Variants in EPHX2 observed in about 807,000 individuals in gnomAD.
The protein encoded by EPHX2 is bifunctional epoxide hydrolase 2.
A neutral mutation model predicts 78.7 loss-of-function variants in EPHX2; 74 were observed. The observed-to-expected ratio is 0.94, with a 90% CI of 0.78 to 1.14. EPHX2 has a LOEUF of 1.14. EPHX2 is among the 50% of genes most tolerant of loss of function. EPHX2 has a pLI of 0.00. For missense variants in EPHX2, 715 were observed against 702.5 expected (o/e 1.02, Z -0.20); for synonymous variants, 251 against 255.2 (o/e 0.98, Z 0.16).
chr8:27,521,697 G>A (rs192954504), intron 10 of EPHX2, among the ~76,000 whole-genome samples: 5 of 152,346 alleles, frequency 3.3e-5, no homozygotes, highest in South Asian at 2.1e-4. Flanking sequence ...AGGGAACAGG[G>A]CATGGCCCAG....
At position 27,543,791 on chromosome 8, in the gene EPHX2, G is replaced by T. The variant is rs746887626; in HGVS notation, c.1492G>T (p.Val498Leu). The change falls in exon 17 of 19, where the codon GTG becomes TTG. Residue 498 changes from valine to leucine, a missense_variant. Physicochemically the swap from Val to Leu is conservative, Grantham distance 32. Coordinates refer to ENST00000521400, the MANE Select transcript of EPHX2 (RefSeq NM_001979.6). ...GATGGTCACGGCGGAGAAGGACTTCGTGCTCGTTCCTCAGATGTCCCAGCA... is the reference window on the plus strand; with the variant it reads ...GATGGTCACGGCGGAGAAGGACTTCTTGCTCGTTCCTCAGATGTCCCAGCA... ...ALMVTAEKDFVLVPQMSQHME... is the reference protein window; with the variant it reads ...ALMVTAEKDFLLVPQMSQHME... The T allele has an allele frequency of 1.2e-6, 2 of 1,614,076 alleles. No individual in the cohort carries two copies. The highest frequency in any genetic ancestry group is 1.7e-6 in the Non-Finnish European group (2 of 1,180,012).
rs1813950347 is a variant in EPHX2, at chr8:27,505,107, C to T, written c.498C>T (p.Tyr166=). Residue 166 remains tyrosine (Y), a synonymous_variant, in exon 4 of 19, where the codon TAC becomes TAT. Coordinates refer to ENST00000521400, the MANE Select transcript of EPHX2 (RefSeq NM_001979.6). ...VGMVKPEPQI[Y]KFLLDTLKAS... ...TGGTCAAACCTGAACCTCAGATCTA[C>T]AAGTTTCTGCTGGACACCCTGAAGG... 4 of 1,612,988 alleles carry T rather than the reference C, an allele frequency of 2.5e-6. No homozygotes were observed. The South Asian group carries it at 4.4e-5, about 18-fold the overall frequency.
intron 16 of EPHX2, among the ~76,000 whole-genome samples, chr8:27,542,902 A>G (rs972593593): frequency 6.6e-6 from 1 of 151,916 alleles, no homozygotes; most frequent in East Asian, 1.9e-4. Flanking sequence ...TCGGCCTCCC[A>G]AAGTGCTGGG....
intron 12 of EPHX2, among the ~76,000 whole-genome samples, chr8:27,535,121 C>G (rs575998647): frequency 6.6e-6 from 1 of 152,170 alleles, no homozygotes; most frequent in East Asian, 1.9e-4. Flanking sequence ...ACTCAATTCC[C>G]TCTGGTAGCA....
chr8:27,497,688 A>C (rs899783135), intron 1 of EPHX2, among the ~76,000 whole-genome samples: 1 of 152,214 alleles, frequency 6.6e-6, no homozygotes, highest in African/African-American at 2.4e-5. Context: ...GTCAGGTGAC[A>C]GGGGAGTATA....
rs1491544464 is a variant in EPHX2 at position 27,525,107 on chromosome 8, T to TGTGTGC, written c.1059-254_1059-253insTGTGCG. On this transcript the variant is annotated intron_variant, in intron 11 of 18. Coordinates refer to ENST00000521400, the MANE Select transcript of EPHX2 (RefSeq NM_001979.6). ...GTGTGTGTGTGTGTGTGTGTGTGTG[T>TGTGTGC]GCGCGCGCGCGCGCGCACCTATGTG... is the stretch of plus-strand genomic sequence containing the variant. 1.8e-3 allele frequency among the ~76,000 whole-genome samples: 182 copies of TGTGTGC among 103,476 alleles called. 1 individual carries two copies. The highest frequency in any genetic ancestry group is 5.3e-3 in the Middle Eastern group (1 of 188). 67.9% of individuals were successfully genotyped at this position (103,476 alleles called of 152,430 possible).
chr8:27,522,602 C>T, intron 11 of EPHX2, 94 bp downstream of exon 11: 1 of 1,262,660 alleles, frequency 7.9e-7, no homozygotes, highest in South Asian at 1.3e-5. Context: ...GAAAACTTCT[C>T]AAAAACAAGT....
rs1327884232 is a variant in EPHX2, at chr8:27,525,095, TGTGTGTGTGTGTGCGC to T, written c.1059-265_1059-250del. ...GTGTGTGTGTGTGTGTGTGTGTGTG[TGTGTGTGTGTGTGCGC>T]GCGCGCGCGCGCACCTATGTGTCTA... On this transcript the variant is annotated intron_variant, in intron 11 of 18. Transcript: ENST00000521400. 7.3e-3 allele frequency among the ~76,000 whole-genome samples: 1,064 copies of T among 146,752 alleles called. 8 individuals are homozygous for T. The highest frequency in any genetic ancestry group is 0.025 in the Middle Eastern group (7 of 284).
At chr8:27,501,384 CTTCTT>C (rs779203167) in intron 2 of EPHX2, among the ~76,000 whole-genome samples, 12 of 102,714 alleles carry the variant, frequency 1.2e-4, no homozygotes, top group Non-Finnish European at 2.0e-4. Context: ...TCTTCTTCTT[CTTCTT>C]CTTCTTTCTT....
At chr8:27,509,918 G>T (rs1463014409) in intron 5 of EPHX2, among the ~76,000 whole-genome samples, 4 of 152,138 alleles carry the variant, frequency 2.6e-5, no homozygotes, top group Non-Finnish European at 5.9e-5. Context: ...GCATCCCCTG[G>T]TGTATGACCT....
intron 12 of EPHX2, among the ~76,000 whole-genome samples, chr8:27,531,845 C>G (rs1053813320): frequency 3.9e-5 from 6 of 152,130 alleles, no homozygotes; most frequent in African/African-American, 1.4e-4. Context: ...TGGAGGGGAG[C>G]TCTCCCTGTT....
intron 12 of EPHX2, among the ~76,000 whole-genome samples, chr8:27,529,755 A>G (rs557839113): frequency 6.6e-6 from 1 of 152,196 alleles, no homozygotes; most frequent in South Asian, 2.1e-4. Flanking sequence ...TCTACTAAAA[A>G]TACAAAAGAG....
At position 27,507,371 on chromosome 8, in the gene EPHX2, GC is replaced by G. The variant is rs532591681; in HGVS notation, c.660+380del. On this transcript the variant is annotated intron_variant, in intron 5 of 18. Transcript: ENST00000521400. ...AGCATGCCGCTGGCACTCAGGTGCA[GC>G]CCTTTAGTTCCACCCAGCTCAGAGG... Among the ~76,000 whole-genome samples the G allele has an allele frequency of 3.1e-3, 472 of 152,346 alleles. 6 individuals are homozygous for G. Among genetic ancestry groups the G allele is most frequent in the South Asian group, 0.029 (142 of 4,830 alleles).
intron 2 of EPHX2, 23 bp from the exon 3 acceptor site, chr8:27,503,581 G>T (rs370316292): frequency 3.1e-6 from 5 of 1,591,136 alleles, no homozygotes; most frequent in Non-Finnish European, 4.3e-6. Flanking sequence ...CATACAAATT[G>T]TCCCCTCACT....
intron 5 of EPHX2, among the ~76,000 whole-genome samples, chr8:27,507,914 G>A (rs775787967): frequency 6.6e-5 from 10 of 152,028 alleles, no homozygotes; most frequent in Non-Finnish European, 1.2e-4. Context: ...GAGGATACCC[G>A]TCAGATTGCA....
Position 27,518,947 on chromosome 8 carries a change from AACCTGG to A in EPHX2, c.945+880_945+885del, listed in dbSNP as rs1814553923. Among the ~76,000 whole-genome samples the A allele has an allele frequency of 2.0e-5, 3 of 152,294 alleles. No homozygotes were observed. In the South Asian group the frequency reaches 6.2e-4, roughly 32 times the overall value. On this transcript the variant is annotated intron_variant, in intron 9 of 18. Coordinates refer to ENST00000521400, the MANE Select transcript of EPHX2 (RefSeq NM_001979.6). ...AGCCCCTATCCTGCTGTTGTCCTCT[AACCTGG>A]ACCTTGCTTATTTCCATCAAAATCC...
downstream of EPHX2, among the ~76,000 whole-genome samples, chr8:27,546,892 G>C (rs981783151): frequency 6.6e-6 from 1 of 152,200 alleles, no homozygotes; most frequent in Non-Finnish European, 1.5e-5. Flanking sequence ...GGTTCTGCAG[G>C]CTTTACAGAA....
chr8:27,547,649 T>TA (rs1380420854), downstream of EPHX2, among the ~76,000 whole-genome samples: 3 of 152,188 alleles, frequency 2.0e-5, no homozygotes, highest in Non-Finnish European at 2.9e-5. Flanking sequence ...CGCTAGAACT[T>TA]ACTCCTCCCA....
intron 2 of EPHX2, 135 bp downstream of exon 2, chr8:27,501,145 T>A: frequency 1.5e-6 from 1 of 679,294 alleles, no homozygotes; most frequent in Non-Finnish European, 2.5e-6. Flanking sequence ...TTAATGGTAT[T>A]AATGGGAGTA....
Sources: allele counts gnomAD v4.1 joint callset (sites outside exome capture counted in the v4.1 genomes callset), GRCh38; gene constraint gnomAD v4.1.1; transcripts MANE v1.5; gene names NCBI Gene and HGNC (gene_info 2026-07-23, HGNC 2026-07-21).